Variants in DNAJC16 observed in about 807,000 individuals in gnomAD.
DNAJC16 encodes DnaJ heat shock protein family (Hsp40) member C16.
In DNAJC16, 76 loss-of-function variants were observed where a neutral mutation model predicts 92.7. The observed-to-expected ratio is 0.82, with a 90% CI of 0.68 to 0.99. The LOEUF (loss-of-function observed/expected upper bound fraction) is 0.99, where lower values mean the gene tolerates loss of function less well. Ranked by LOEUF, DNAJC16 falls within the 50% of genes least tolerant of loss-of-function variation. The probability of loss-of-function intolerance (pLI) is 0.00; values close to 1 mark genes in which losing one functional copy is unlikely to be tolerated. For missense variants in DNAJC16, 869 were observed against 942.4 expected (o/e 0.92, Z 1.02); for synonymous variants, 328 against 358.7 (o/e 0.91, Z 0.97).
At chr1:15,532,364 T>C (rs1283241590) in intron 2 of DNAJC16, among the ~76,000 whole-genome samples, 1 of 152,220 alleles carries the variant, frequency 6.6e-6, no homozygotes, top group Non-Finnish European at 1.5e-5. Context: ...GAAAATAGCA[T>C]TGGACAATAC....
intron 8 of DNAJC16, among the ~76,000 whole-genome samples, chr1:15,561,036 C>T (rs1638677814): frequency 6.6e-6 from 1 of 152,120 alleles, no homozygotes; most frequent in Non-Finnish European, 1.5e-5. Flanking sequence ...TTTCAGTTGG[C>T]ACTTCCCTGA....
intron 8 of DNAJC16, 96 bp from the exon 9 acceptor site, chr1:15,562,046 G>C: frequency 1.5e-6 from 2 of 1,310,928 alleles, no homozygotes; most frequent in Non-Finnish European, 2.1e-6. Flanking sequence ...ACTTCCATAA[G>C]ATGAGCTCCT....
chr1:15,536,940 TC>T, intron 4 of DNAJC16, 126 bp downstream of exon 4: 1 of 771,306 alleles, frequency 1.3e-6, no homozygotes, highest in South Asian at 2.2e-5. Context: ...AACCTCCACC[TC>T]CCGGGTTCAA....
At chr1:15,566,284 A>C in intron 13 of DNAJC16, 104 bp downstream of exon 13, 22 of 901,938 alleles carry the variant, frequency 2.4e-5, no homozygotes, top group Non-Finnish European at 3.2e-5. Context: ...AAGAACTCTC[A>C]TGCACCTCCT....
At chr1:15,557,493 A>G (rs1033448172) in intron 7 of DNAJC16, among the ~76,000 whole-genome samples, 7 of 152,052 alleles carry the variant, frequency 4.6e-5, no homozygotes, top group Middle Eastern at 6.8e-3. Flanking sequence ...ATATTAATAT[A>G]TTCATTTCTT....
chr1:15,552,933 A>G (rs1278976883), intron 7 of DNAJC16, among the ~76,000 whole-genome samples: 2 of 150,980 alleles, frequency 1.3e-5, no homozygotes, highest in Non-Finnish European at 3.0e-5. Context: ...ACACCTGGCT[A>G]ATTTTTTTGT....
intron 13 of DNAJC16, chr1:15,566,385 A>C: frequency 1.8e-6 from 1 of 550,608 alleles, no homozygotes; most frequent in East Asian, 3.0e-5. Flanking sequence ...TTTCATAATG[A>C]AGGCAGAAGG....
At chr1:15,556,344 C>T (rs12137566) in intron 7 of DNAJC16, among the ~76,000 whole-genome samples, 4,824 of 152,118 alleles carry the variant, frequency 0.032, 115 homozygotes, top group Admixed American at 0.07. Context: ...AAGTAATTCT[C>T]CTGCCTCTCA....
At chr1:15,547,003 A>G (rs558666208) in intron 6 of DNAJC16, 132 bp downstream of exon 6, 29 of 721,112 alleles carry the variant, frequency 4.0e-5, no homozygotes, top group Middle Eastern at 5.5e-4. Context: ...AGTTTCATCC[A>G]TGAGAAATGT....
intron 8 of DNAJC16, among the ~76,000 whole-genome samples, chr1:15,561,402 C>T (rs1020950252): frequency 4.6e-5 from 7 of 151,996 alleles, no homozygotes; most frequent in Non-Finnish European, 1.0e-4. Flanking sequence ...AAGGCCCTGC[C>T]GGCCAGGAAC....
chr1:15,550,566 TTG>T (rs1638421922), intron 7 of DNAJC16, among the ~76,000 whole-genome samples: 1 of 152,234 alleles, frequency 6.6e-6, no homozygotes, highest in Non-Finnish European at 1.5e-5. Flanking sequence ...AGGAATAGTG[TTG>T]CAATGAATAT....
chr1:15,566,817 G>A (rs942917653), intron 13 of DNAJC16, among the ~76,000 whole-genome samples: 3 of 152,164 alleles, frequency 2.0e-5, no homozygotes, highest in African/African-American at 4.8e-5. Flanking sequence ...CCAGGAGGTC[G>A]AGGCTGCAGT....
intron 10 of DNAJC16, 73 bp from the exon 11 acceptor site, chr1:15,564,210 A>C: frequency 6.5e-7 from 1 of 1,541,628 alleles, no homozygotes; most frequent in Non-Finnish European, 9.0e-7. Context: ...CAGCAGCAGC[A>C]CTGTGTTGCA....
chr1:15,539,220 A>T (rs2103408157), intron 4 of DNAJC16, among the ~76,000 whole-genome samples: 1 of 151,950 alleles, frequency 6.6e-6, no homozygotes, highest in Non-Finnish European at 1.5e-5. Context: ...TTCTGAAATA[A>T]GTCACATATG....
intron 1 of DNAJC16, among the ~76,000 whole-genome samples, chr1:15,528,822 C>G (rs1237154087): frequency 6.6e-6 from 1 of 152,108 alleles, no homozygotes; most frequent in Admixed American, 6.5e-5. Context: ...CATTTTCATT[C>G]ATTTCTAAAG....
intron 2 of DNAJC16, among the ~76,000 whole-genome samples, chr1:15,533,942 G>A (rs1229197201): frequency 6.6e-6 from 1 of 152,192 alleles, no homozygotes; most frequent in Non-Finnish European, 1.5e-5. Context: ...CAGTGTTTGG[G>A]AGCAGTGTAC....
At chr1:15,543,251 G>A (rs886128974) in intron 4 of DNAJC16, among the ~76,000 whole-genome samples, 6 of 152,334 alleles carry the variant, frequency 3.9e-5, no homozygotes, top group Admixed American at 6.5e-5. Context: ...GGTTGTGTGT[G>A]GACCCTGAGT....
rs940602423 is a variant in DNAJC16 at position 15,570,918 on chromosome 1, A to G, written c.*2741A>G. ...ACTATCAACATTGATGTTTTTAGAG[A>G]TGGGTTCTTCTGGTTGATACAGACT... On this transcript the variant is annotated 3_prime_UTR_variant, in exon 15 of 15. Transcript: ENST00000375847. The G allele has an allele frequency of 6.6e-6, 1 of 151,934 alleles. No individual in the cohort carries two copies. The allele number at this position is 151,934 out of a possible 1,614,324, so 9.4% of individuals were successfully genotyped here. A position where few individuals can be genotyped will look rare whatever the true frequency, so the allele number is the denominator to read the frequency against.
At chr1:15,549,275 A>G (rs1420447509) in intron 7 of DNAJC16, among the ~76,000 whole-genome samples, 1 of 152,178 alleles carries the variant, frequency 6.6e-6, no homozygotes, top group East Asian at 1.9e-4. Context: ...TAGGAAATAG[A>G]AGGGGAGAAG....
Sources: gnomAD v4.1 joint callset for allele counts (sites outside exome capture counted in the v4.1 genomes callset) on GRCh38, gnomAD v4.1.1 for gene constraint, MANE v1.5 for transcripts, NCBI Gene and HGNC (gene_info 2026-07-23, HGNC 2026-07-21) for gene names.